ANKRD6: variants seen among roughly 807,000 people sequenced by gnomAD.
The protein encoded by ANKRD6 is ankyrin repeat domain-containing protein 6.
In ANKRD6, 56 loss-of-function variants were observed where a neutral mutation model predicts 82.3. The ratio of observed to expected loss-of-function variants is 0.68; its 90% CI spans 0.55 to 0.85. ANKRD6 has a LOEUF of 0.85. Among genes scored for constraint, ANKRD6 ranks in the 40% least tolerant of loss-of-function variants. ANKRD6 has a pLI of 0.00. For synonymous variants in ANKRD6, 347 were observed against 352.1 expected, an observed-to-expected ratio of 0.99 and a Z score of 0.16; for missense variants, 852 against 907.6, an observed-to-expected ratio of 0.94 and a Z score of 0.79.
chr6:89,536,142 A>G (rs573156047), intron 1 of ANKRD6, among the ~76,000 whole-genome samples: 10 of 152,336 alleles, frequency 6.6e-5, no homozygotes, highest in African/African-American at 2.2e-4. Context: ...AGGCATGATA[A>G]TCCCTTGAAC....
intron 1 of ANKRD6, among the ~76,000 whole-genome samples, chr6:89,563,779 GAGA>G (rs1325696397): frequency 1.3e-5 from 2 of 151,994 alleles, no homozygotes; most frequent in Non-Finnish European, 2.9e-5. Flanking sequence ...GGCATCAGAT[GAGA>G]AGAAGCAGAG....
intron 13 of ANKRD6, among the ~76,000 whole-genome samples, chr6:89,625,978 G>A (rs1805541931): frequency 6.6e-6 from 1 of 152,012 alleles, no homozygotes; most frequent in Non-Finnish European, 1.5e-5. Context: ...CAAGCGCCTC[G>A]CCTGCCTTGG....
chr6:89,610,217 G>C (rs918969313), intron 5 of ANKRD6, among the ~76,000 whole-genome samples: 3 of 152,184 alleles, frequency 2.0e-5, no homozygotes, highest in African/African-American at 7.2e-5. Flanking sequence ...ATAAGATATA[G>C]AATGTTTCCA....
intron 2 of ANKRD6, among the ~76,000 whole-genome samples, chr6:89,590,787 A>G (rs1157690810): frequency 6.6e-6 from 1 of 152,210 alleles, no homozygotes; most frequent in African/African-American, 2.4e-5. Context: ...TAGCTGCTGT[A>G]TAACTTAGAA....
intron 1 of ANKRD6, among the ~76,000 whole-genome samples, chr6:89,447,957 G>A (rs1263543574): frequency 6.6e-6 from 1 of 151,812 alleles, no homozygotes; most frequent in East Asian, 1.9e-4. Context: ...AGAGTGCTGG[G>A]ATTACAGGCG....
intron 1 of ANKRD6, chr6:89,561,639 G>A (rs1787439767): frequency 6.6e-6 from 1 of 152,236 alleles, no homozygotes; most frequent in South Asian, 2.1e-4. Context: ...TCAGTGGCCA[G>A]ATGATGAGTT....
intron 1 of ANKRD6, among the ~76,000 whole-genome samples, chr6:89,514,907 T>C (rs1462421805): frequency 6.6e-6 from 1 of 152,340 alleles, no homozygotes; most frequent in East Asian, 1.9e-4. Flanking sequence ...TGTCTGGGCG[T>C]AGTAGTTTTA....
In ANKRD6 at chr6:89,483,144, T is replaced by C. The variant is rs934250460; in HGVS notation, c.-144+49769T>C. ...TTCTGATTCTGTCCAGTGGGTCTTA[T>C]CTAAAGCATTCCTCTCTCCCAGCAC... is the stretch of plus-strand genomic sequence containing the variant. On this transcript the variant is annotated intron_variant, in intron 1 of 15. Coordinates refer to ENST00000339746, the MANE Select transcript of ANKRD6 (RefSeq NM_001242809.2). Among the ~76,000 whole-genome samples the C allele has an allele frequency of 2.6e-5, 4 of 152,334 alleles. No homozygotes were observed. In the East Asian group the frequency reaches 7.7e-4, roughly 29 times the overall value.
At chr6:89,457,183 A>C (rs1277639257) in intron 1 of ANKRD6, among the ~76,000 whole-genome samples, 1 of 152,204 alleles carries the variant, frequency 6.6e-6, no homozygotes, top group Non-Finnish European at 1.5e-5. Context: ...TCAAGATGCT[A>C]AGACAAGCTG....
At chr6:89,451,399 C>T (rs903167652) in intron 1 of ANKRD6, among the ~76,000 whole-genome samples, 1 of 152,192 alleles carries the variant, frequency 6.6e-6, no homozygotes, top group Non-Finnish European at 1.5e-5. Flanking sequence ...GGACTGCATT[C>T]TCTAAAGTTT....
chr6:89,555,774 A>G (rs1786509666), intron 1 of ANKRD6, among the ~76,000 whole-genome samples: 2 of 152,140 alleles, frequency 1.3e-5, no homozygotes, highest in South Asian at 4.1e-4. Flanking sequence ...GAGACTATGC[A>G]TGGATTTGTA....
intron 1 of ANKRD6, among the ~76,000 whole-genome samples, chr6:89,458,577 G>A (rs1004534165): frequency 6.6e-6 from 1 of 152,176 alleles, no homozygotes; most frequent in Non-Finnish European, 1.5e-5. Context: ...GATGTTTGAG[G>A]GCAGGAAGCA....
chr6:89,444,706 G>C (rs565462054), intron 1 of ANKRD6, among the ~76,000 whole-genome samples: 4 of 152,162 alleles, frequency 2.6e-5, no homozygotes, highest in African/African-American at 9.7e-5. Context: ...GGTGGCTCAC[G>C]CCTGTAATCC....
rs115713346 is a variant in ANKRD6, at chr6:89,443,329, T to C, written c.-144+9954T>C. Among the ~76,000 whole-genome samples, 764 of 152,278 alleles carry C rather than the reference T, an allele frequency of 5.0e-3. 8 individuals carry two copies. Among genetic ancestry groups the C allele is most frequent in the African/African-American group, 0.017 (726 of 41,550 alleles). On this transcript the variant is annotated intron_variant, in intron 1 of 15. Coordinates refer to ENST00000339746, the MANE Select transcript of ANKRD6 (RefSeq NM_001242809.2). ...GGGAGCTTAGAATTTTATTTTTGGC[T>C]TAAATGTAAGAATAATCTGGGGAAT... is the stretch of plus-strand genomic sequence containing the variant.
At chr6:89,473,873 G>C (rs1439254617) in intron 1 of ANKRD6, among the ~76,000 whole-genome samples, 1 of 152,118 alleles carries the variant, frequency 6.6e-6, no homozygotes, top group African/African-American at 2.4e-5. Context: ...CCAGCTACTT[G>C]GGAGGCTGGG....
chr6:89,497,654 T>C (rs560444697), intron 1 of ANKRD6, among the ~76,000 whole-genome samples: 159 of 151,418 alleles, frequency 1.1e-3, no homozygotes, highest in African/African-American at 3.4e-3. Flanking sequence ...ATATGTTTTT[T>C]TCTCTCTCTC....
intron 3 of ANKRD6, 107 bp downstream of exon 3, chr6:89,596,121 C>A: frequency 2.1e-6 from 2 of 964,214 alleles, no homozygotes; most frequent in Non-Finnish European, 3.2e-6. Flanking sequence ...GATGCTCTCG[C>A]AGCACATTTT....
intron 1 of ANKRD6, among the ~76,000 whole-genome samples, chr6:89,452,386 A>G (rs766051959): frequency 9.9e-5 from 15 of 152,184 alleles, no homozygotes; most frequent in Non-Finnish European, 1.8e-4. Context: ...ATCAGAAGCT[A>G]TTCGATATTT....
chr6:89,488,169 C>G (rs1444664846), intron 1 of ANKRD6, among the ~76,000 whole-genome samples: 2 of 152,232 alleles, frequency 1.3e-5, no homozygotes, highest in African/African-American at 2.4e-5. Context: ...CCTAGCCAGC[C>G]TGGCCTTCAC....
Sources: gnomAD v4.1 joint callset for allele counts (sites outside exome capture counted in the v4.1 genomes callset) on GRCh38, gnomAD v4.1.1 for gene constraint, MANE v1.5 for transcripts, NCBI Gene and HGNC (gene_info 2026-07-23, HGNC 2026-07-21) for gene names.